RALGAPA1: variants seen among roughly 807,000 people sequenced by gnomAD.
RALGAPA1 encodes the protein Ral GTPase activating protein catalytic subunit alpha 1.
In RALGAPA1, 52 loss-of-function variants were observed where a neutral mutation model predicts 269.6. The observed-to-expected ratio is 0.19, with a 90% CI of 0.15 to 0.24. RALGAPA1 has a LOEUF of 0.24. RALGAPA1 is among the 10% of genes least tolerant of loss of function. The probability of loss-of-function intolerance (pLI) is 1.00; values close to 1 mark genes in which losing one functional copy is unlikely to be tolerated. For missense variants in RALGAPA1, 1,917 were observed against 3,013.9 expected, an observed-to-expected ratio of 0.64 and a Z score of 8.52; for synonymous variants, 817 against 1,008.3, an observed-to-expected ratio of 0.81 and a Z score of 3.60.
At chr14:35,645,589 G>A (rs1284284704) in intron 31 of RALGAPA1, among the ~76,000 whole-genome samples, 1 of 151,952 alleles carries the variant, frequency 6.6e-6, no homozygotes, top group Non-Finnish European at 1.5e-5. Context: ...AAATTAGCCA[G>A]GCGTGGTGGC....
At chr14:35,546,470 T>C (rs572747606) in intron 41 of RALGAPA1, among the ~76,000 whole-genome samples, 2 of 151,318 alleles carry the variant, frequency 1.3e-5, no homozygotes, top group South Asian at 4.2e-4. Flanking sequence ...ATAATAATAA[T>C]AATAAATATT....
intron 28 of RALGAPA1, among the ~76,000 whole-genome samples, chr14:35,658,738 ATATAT>A (rs1243542197): frequency 1.2e-4 from 18 of 151,320 alleles, no homozygotes; most frequent in Non-Finnish European, 1.9e-4. Flanking sequence ...ATTTTCTTAG[ATATAT>A]TACTTTCTAT....
intron 41 of RALGAPA1, among the ~76,000 whole-genome samples, chr14:35,544,434 T>G (rs1376473725): frequency 6.6e-6 from 1 of 152,194 alleles, no homozygotes; most frequent in Non-Finnish European, 1.5e-5. Flanking sequence ...AAGTACCAGG[T>G]GACTCTGGGT....
At chr14:35,592,053 C>G (rs1160899905) in intron 37 of RALGAPA1, among the ~76,000 whole-genome samples, 1 of 152,200 alleles carries the variant, frequency 6.6e-6, no homozygotes, top group Non-Finnish European at 1.5e-5. Context: ...AATTACACCT[C>G]TTTTGTTTAT....
chr14:35,750,770 G>A, intron 8 of RALGAPA1, 80 bp from the exon 9 acceptor site: 1 of 1,170,690 alleles, frequency 8.5e-7, no homozygotes. Context: ...TTAAATACTT[G>A]AGAAAATATT....
At chr14:35,700,659 T>C (rs546412998) in intron 16 of RALGAPA1, among the ~76,000 whole-genome samples, 2 of 152,226 alleles carry the variant, frequency 1.3e-5, no homozygotes, top group South Asian at 4.1e-4. Flanking sequence ...TCAATATTAA[T>C]AGTTCAAAGT....
chr14:35,715,562 T>C, intron 16 of RALGAPA1: 1 of 207,354 alleles, frequency 4.8e-6, no homozygotes, highest in Non-Finnish European at 8.4e-6. Context: ...ATTTACATAA[T>C]TTGTTTCCAT....
chr14:35,548,584 T>C, intron 40 of RALGAPA1, 46 bp from the exon 41 acceptor site: 2 of 1,354,890 alleles, frequency 1.5e-6, no homozygotes, highest in Non-Finnish European at 2.1e-6. Flanking sequence ...GAGCAAGATA[T>C]TACAGAATAG....
chr14:35,685,578 G>A (rs1395877101), intron 19 of RALGAPA1, among the ~76,000 whole-genome samples: 6 of 152,066 alleles, frequency 3.9e-5, no homozygotes, highest in Non-Finnish European at 1.5e-5. Context: ...TTATAGAGAA[G>A]TCAAACCCAA....
intron 35 of RALGAPA1, among the ~76,000 whole-genome samples, chr14:35,623,035 T>G (rs914502354): frequency 2.7e-5 from 4 of 150,406 alleles, no homozygotes; most frequent in Admixed American, 2.7e-4. Context: ...TGAGCTGAAG[T>G]TGTGCCATTG....
chr14:35,760,011 T>C (rs890225939), intron 6 of RALGAPA1, among the ~76,000 whole-genome samples: 5 of 152,066 alleles, frequency 3.3e-5, no homozygotes, highest in Admixed American at 6.6e-5. Flanking sequence ...ACTGAAATTA[T>C]ACATTTTTAA....
At chr14:35,634,939 A>T (rs1014491177) in intron 32 of RALGAPA1, among the ~76,000 whole-genome samples, 182 bp from the exon 33 acceptor site, 8 of 152,192 alleles carry the variant, frequency 5.3e-5, no homozygotes. Context: ...AGGGAGGCCC[A>T]GCCAGGTGGA....
intron 31 of RALGAPA1, among the ~76,000 whole-genome samples, chr14:35,645,373 GTGTGTGTGTGTGTGTGTA>G (rs1366877427): frequency 1.3e-5 from 2 of 151,216 alleles, no homozygotes; most frequent in Non-Finnish European, 2.9e-5. Flanking sequence ...GTGTGTGTGT[GTGTGTGTGTGTGTGTGTA>G]TATGTTATGT....
intron 5 of RALGAPA1, among the ~76,000 whole-genome samples, chr14:35,762,128 TG>T (rs1364308871): frequency 1.3e-5 from 2 of 152,194 alleles, no homozygotes; most frequent in Non-Finnish European, 2.9e-5. Flanking sequence ...GTTTTCCTTC[TG>T]GGGACCATAA....
chr14:35,772,220 T>C (rs961840309), intron 3 of RALGAPA1, among the ~76,000 whole-genome samples: 4 of 151,996 alleles, frequency 2.6e-5, no homozygotes, highest in African/African-American at 4.8e-5. Flanking sequence ...CCCAGCTAAA[T>C]TTTTTTTACT....
chr14:35,672,354 T>A (rs1349851583), intron 25 of RALGAPA1, among the ~76,000 whole-genome samples: 3 of 152,104 alleles, frequency 2.0e-5, no homozygotes, highest in Non-Finnish European at 4.4e-5. Flanking sequence ...AATTCTAAGG[T>A]TATATTTATG....
intron 16 of RALGAPA1, among the ~76,000 whole-genome samples, chr14:35,702,452 G>C (rs932670987): frequency 2.0e-5 from 3 of 152,240 alleles, no homozygotes; most frequent in Non-Finnish European, 2.9e-5. Context: ...ACCATGCTGT[G>C]TATTAAAGAT....
chr14:35,745,639 C>T lies in RALGAPA1; in HGVS notation c.1251+2946G>A, dbSNP rs369538327. ...ATTAGCTGGGCATGGTGGCGCATGC[C>T]TGTAATCCCAGCTACCCAAGAGGCT... On this transcript the variant is annotated intron_variant, in intron 10 of 41. Coordinates refer to ENST00000680220, the MANE Select transcript of RALGAPA1 (RefSeq NM_001346249.2). 1.6e-4 allele frequency among the ~76,000 whole-genome samples: 25 copies of T among 151,934 alleles called. No individual in the cohort carries two copies. The East Asian group carries it at 3.9e-3, about 24-fold the overall frequency.
intron 12 of RALGAPA1, among the ~76,000 whole-genome samples, chr14:35,734,753 G>C (rs1328804184): frequency 6.6e-6 from 1 of 152,054 alleles, no homozygotes; most frequent in African/African-American, 2.4e-5. Flanking sequence ...AGTCAGCAGA[G>C]TAAAGAGAAA....
Sources: allele counts gnomAD v4.1 joint callset (sites outside exome capture counted in the v4.1 genomes callset), GRCh38; gene constraint gnomAD v4.1.1; transcripts MANE v1.5; gene names NCBI Gene and HGNC (gene_info 2026-07-23, HGNC 2026-07-21).